Variants in SHISA6 observed in about 807,000 individuals in gnomAD.
SHISA6 encodes the protein shisa family member 6.
Under a neutral mutation model 47.9 loss-of-function variants are expected in SHISA6, and 22 were observed. That is an observed-to-expected ratio of 0.46 (90% CI 0.33 to 0.66). The LOEUF (loss-of-function observed/expected upper bound fraction) is 0.66. SHISA6 is among the 30% of genes least tolerant of loss of function. The pLI, the probability that SHISA6 is intolerant of heterozygous loss-of-function variation, is 0.02. For synonymous variants in SHISA6, 388 were observed against 337.8 expected (o/e 1.15, Z -1.63); for missense variants, 680 against 764.6 (o/e 0.89, Z 1.30).
At chr17:11,451,093 A>T (rs990298665) in intron 3 of SHISA6, among the ~76,000 whole-genome samples, 8 of 151,542 alleles carry the variant, frequency 5.3e-5, no homozygotes, top group African/African-American at 1.7e-4. Context: ...GCTTCGGGAG[A>T]AGCTGGGAAA....
chr17:11,253,238 G>T lies in SHISA6; in HGVS notation c.639-10128G>T, dbSNP rs142464525. On this transcript the variant is annotated intron_variant, in intron 1 of 5. Transcript: ENST00000441885. The stretch of plus-strand genomic sequence containing the variant: ...CGACTTGCCTTCCTGAACTTGTCCT[G>T]CCACAACTTCATTAAGCCGCATCGA... Among the ~76,000 whole-genome samples, 514 of 151,790 alleles carry T rather than the reference G, an allele frequency of 3.4e-3. 2 individuals are homozygous for T. Among genetic ancestry groups the T allele is most frequent in the African/African-American group, 8.9e-3 (368 of 41,350 alleles).
chr17:11,492,482 T>C (rs1420289878), intron 3 of SHISA6, among the ~76,000 whole-genome samples: 2 of 152,214 alleles, frequency 1.3e-5, no homozygotes, highest in East Asian at 3.9e-4. Flanking sequence ...TATGTGTAAA[T>C]CATTTAATTT....
intron 3 of SHISA6, among the ~76,000 whole-genome samples, chr17:11,444,566 C>T (rs1204027063): frequency 6.6e-6 from 1 of 152,068 alleles, no homozygotes; most frequent in Non-Finnish European, 1.5e-5. Context: ...AATCCAGATG[C>T]TTTGGACAAA....
chr17:11,335,425 A>G (rs572772906), intron 2 of SHISA6, among the ~76,000 whole-genome samples: 24 of 152,300 alleles, frequency 1.6e-4, no homozygotes, highest in South Asian at 4.1e-4. Context: ...CCGTGCTGCT[A>G]TAGGTGATCT....
intron 3 of SHISA6, among the ~76,000 whole-genome samples, chr17:11,434,765 T>A (rs1448083881): frequency 6.6e-6 from 1 of 152,236 alleles, no homozygotes; most frequent in African/African-American, 2.4e-5. Flanking sequence ...CTAGTCTCTA[T>A]CATCTAGTGT....
At chr17:11,402,825 G>A (rs193057408) in intron 3 of SHISA6, among the ~76,000 whole-genome samples, 2 of 152,342 alleles carry the variant, frequency 1.3e-5, no homozygotes, top group East Asian at 1.9e-4. Context: ...AGGCCTCAGC[G>A]AGGGAACCAG....
At chr17:11,305,674 C>T (rs115689802) in intron 2 of SHISA6, among the ~76,000 whole-genome samples, 205 of 152,296 alleles carry the variant, frequency 1.3e-3, no homozygotes, top group African/African-American at 4.4e-3. Context: ...GCCCAGAACC[C>T]GGAACATTTT....
intron 3 of SHISA6, among the ~76,000 whole-genome samples, chr17:11,488,618 T>C (rs1916406521): frequency 6.6e-6 from 1 of 152,236 alleles, no homozygotes; most frequent in African/African-American, 2.4e-5. Context: ...TCTATTTCTG[T>C]CCATCTCTTG....
intron 2 of SHISA6, among the ~76,000 whole-genome samples, chr17:11,358,764 C>T (rs531883717): frequency 6.6e-6 from 1 of 151,312 alleles, no homozygotes; most frequent in Admixed American, 6.6e-5. Flanking sequence ...TCTGCTTTCT[C>T]GGGCCCAGGT....
At chr17:11,282,903 A>G (rs752081687) in intron 2 of SHISA6, among the ~76,000 whole-genome samples, 4 of 152,200 alleles carry the variant, frequency 2.6e-5, no homozygotes, top group Non-Finnish European at 5.9e-5. Context: ...CCCCAAAACC[A>G]CATTCCACAT....
At chr17:11,382,611 A>G (rs770006631) in intron 3 of SHISA6, among the ~76,000 whole-genome samples, 3 of 152,118 alleles carry the variant, frequency 2.0e-5, no homozygotes, top group African/African-American at 4.8e-5. Context: ...TTATTTCTCT[A>G]TCCTTTGTTT....
rs944257264 is a variant in SHISA6 at position 11,363,728 on chromosome 17, C to G, written c.800-15686C>G. The stretch of plus-strand genomic sequence containing the variant: ...TGAAACAGGGAAGAGGCACTGAAAG[C>G]TCTTCTCCATAAGACACGCCCACCA... On this transcript the variant is annotated intron_variant, in intron 2 of 5. Transcript: ENST00000441885. Among the ~76,000 whole-genome samples the G allele has an allele frequency of 2.0e-5, 3 of 152,142 alleles. No individual in the cohort carries two copies. In the East Asian group the frequency reaches 5.8e-4, roughly 29 times the overall value.
chr17:11,442,208 G>A (rs1335948347), intron 3 of SHISA6, among the ~76,000 whole-genome samples: 3 of 152,182 alleles, frequency 2.0e-5, no homozygotes, highest in South Asian at 4.1e-4. Flanking sequence ...TGTAGCTAAA[G>A]AAGTGGAGTC....
At chr17:11,442,850 G>A (rs780346588) in intron 3 of SHISA6, among the ~76,000 whole-genome samples, 17 of 152,108 alleles carry the variant, frequency 1.1e-4, no homozygotes, top group Non-Finnish European at 1.9e-4. Flanking sequence ...GGCCTTGGGC[G>A]TCCAGTTTAA....
At chr17:11,350,191 T>TA (rs1388493706) in intron 2 of SHISA6, among the ~76,000 whole-genome samples, 4 of 138,584 alleles carry the variant, frequency 2.9e-5, no homozygotes, top group African/African-American at 1.1e-4. Context: ...TATTTTTTTT[T>TA]TTTTTTGAGA....
At chr17:11,501,326 G>C (rs751205237) in intron 3 of SHISA6, among the ~76,000 whole-genome samples, 4 of 151,988 alleles carry the variant, frequency 2.6e-5, no homozygotes, top group Non-Finnish European at 5.9e-5. Context: ...TGGTCAGGCT[G>C]GTCACGAACT....
In SHISA6 at chr17:11,558,611, C is replaced by G; in HGVS notation, c.*307C>G. The G allele has an allele frequency of 2.4e-6, 1 of 409,596 alleles. No individual in the cohort carries two copies. Among genetic ancestry groups the G allele is most frequent in the South Asian group, 3.6e-5 (1 of 27,852 alleles). The allele number at this position is 409,596 out of a possible 1,614,324, so 25.4% of individuals were successfully genotyped here. The stretch of plus-strand genomic sequence containing the variant: ...ACCTTCACCAACTCCCTTTCCGTCC[C>G]GCGCCTCCTTCTCCCCATCCGGGGG... On this transcript the variant is annotated 3_prime_UTR_variant, in exon 6 of 6. Transcript: ENST00000441885.
intron 1 of SHISA6, among the ~76,000 whole-genome samples, chr17:11,246,830 T>C (rs1260778706): frequency 1.3e-5 from 2 of 149,398 alleles, no homozygotes; most frequent in African/African-American, 4.9e-5. Context: ...GCCTTTGATA[T>C]ATGAGGTTAG....
At chr17:11,373,924 G>A (rs559376912) in intron 2 of SHISA6, among the ~76,000 whole-genome samples, 1 of 152,310 alleles carries the variant, frequency 6.6e-6, no homozygotes, top group East Asian at 1.9e-4. Flanking sequence ...ATACCTAGAA[G>A]TAGAGTGGCC....
Sources: gnomAD v4.1 joint callset for allele counts (sites outside exome capture counted in the v4.1 genomes callset) on GRCh38, gnomAD v4.1.1 for gene constraint, MANE v1.5 for transcripts, NCBI Gene and HGNC (gene_info 2026-07-23, HGNC 2026-07-21) for gene names.